Variants in ADCY8 observed in about 807,000 individuals in gnomAD.
The protein encoded by ADCY8 is adenylate cyclase 8.
ADCY8 carries 51 observed loss-of-function variants against 119.7 expected under a neutral mutation model. The ratio of observed to expected loss-of-function variants is 0.43; its 90% CI spans 0.34 to 0.54. The LOEUF (loss-of-function observed/expected upper bound fraction) is 0.54, where lower values mean the gene tolerates loss of function less well. ADCY8 is among the 20% of genes least tolerant of loss of function. The pLI, the probability that ADCY8 is intolerant of heterozygous loss-of-function variation, is 0.03. For synonymous variants in ADCY8, 665 were observed against 651.0 expected, an observed-to-expected ratio of 1.02 and a Z score of -0.33; for missense variants, 1,383 against 1,598.8, an observed-to-expected ratio of 0.87 and a Z score of 2.30.
At chr8:130,874,383 A>G (rs1408985790) in intron 8 of ADCY8, among the ~76,000 whole-genome samples, 2 of 152,080 alleles carry the variant, frequency 1.3e-5, no homozygotes, top group African/African-American at 4.8e-5. Flanking sequence ...ACAAGGCATA[A>G]TTGCAATGAG....
At chr8:130,979,398 G>A (rs562452316) in intron 2 of ADCY8, among the ~76,000 whole-genome samples, 1 of 152,284 alleles carries the variant, frequency 6.6e-6, no homozygotes, top group East Asian at 1.9e-4. Flanking sequence ...GTCCTGTTGT[G>A]ACAATTGTAC....
intron 2 of ADCY8, among the ~76,000 whole-genome samples, chr8:130,962,962 C>T (rs1821649762): frequency 6.6e-6 from 1 of 152,146 alleles, no homozygotes; most frequent in Non-Finnish European, 1.5e-5. Context: ...TAATTAAAAC[C>T]TCACATTAAT....
At chr8:131,007,091 A>C (rs1019915034) in intron 1 of ADCY8, among the ~76,000 whole-genome samples, 4 of 152,240 alleles carry the variant, frequency 2.6e-5, no homozygotes, top group African/African-American at 9.6e-5. Context: ...CAAACAGTAA[A>C]AAAGAAAATC....
At chr8:130,841,250 C>T (rs1010544149) in intron 11 of ADCY8, among the ~76,000 whole-genome samples, 1 of 152,144 alleles carries the variant, frequency 6.6e-6, no homozygotes, top group Non-Finnish European at 1.5e-5. Flanking sequence ...CATTTAACTC[C>T]TTAAATGACC....
intron 9 of ADCY8, among the ~76,000 whole-genome samples, chr8:130,864,410 A>T (rs927306638): frequency 9.2e-5 from 14 of 152,142 alleles, no homozygotes; most frequent in Non-Finnish European, 1.9e-4. Context: ...GAACATTCTT[A>T]GCCATTATTA....
chr8:130,801,589 C>A (rs1005870792), intron 14 of ADCY8, among the ~76,000 whole-genome samples: 2 of 152,196 alleles, frequency 1.3e-5, no homozygotes, highest in Non-Finnish European at 2.9e-5. Context: ...TGCCCTGGAT[C>A]CTGCAGACAC....
intron 7 of ADCY8, among the ~76,000 whole-genome samples, chr8:130,901,242 C>CTTTTTTTTTTTTTTTTTTTTTT (rs34424673): frequency 1.7e-5 from 2 of 115,582 alleles, no homozygotes; most frequent in Non-Finnish European, 3.4e-5. Context: ...CATCCCTCCT[C>CTTTTTTTTTTTTTTTTTTTTTT]TTTTTTTTTT....
intron 11 of ADCY8, among the ~76,000 whole-genome samples, chr8:130,837,937 C>T (rs1017321270): frequency 3.9e-5 from 6 of 152,174 alleles, no homozygotes; most frequent in Admixed American, 2.6e-4. Context: ...AACCAATTCA[C>T]GTAAATGGGA....
intron 2 of ADCY8, among the ~76,000 whole-genome samples, chr8:130,968,903 A>C (rs1376269182): frequency 1.3e-5 from 2 of 152,166 alleles, no homozygotes; most frequent in Non-Finnish European, 2.9e-5. Context: ...CTTTGGAAAA[A>C]ATCTTTCTCT....
intron 7 of ADCY8, among the ~76,000 whole-genome samples, chr8:130,897,956 C>T (rs948926078): frequency 2.7e-5 from 4 of 146,622 alleles, no homozygotes; most frequent in African/African-American, 1.1e-4. Context: ...ACACACACCA[C>T]ACCACACCAC....
At position 130,945,455 on chromosome 8, in the gene ADCY8, A is replaced by C. The variant is rs554149084; in HGVS notation, c.1242-1993T>G. On this transcript the variant is annotated intron_variant, in intron 3 of 17. Coordinates refer to ENST00000286355, the MANE Select transcript of ADCY8 (RefSeq NM_001115.3). ...CTAGATAGATCTGGGTTCAAATCTT[A>C]GCTCACCACTTAGGAATTCTATGAC... 3.9e-5 allele frequency among the ~76,000 whole-genome samples: 6 copies of C among 152,336 alleles called. No individual in the cohort carries two copies. In the East Asian group the frequency reaches 7.7e-4, roughly 20 times the overall value.
chr8:130,813,966 A>T, intron 14 of ADCY8, 103 bp downstream of exon 14: 2 of 1,424,160 alleles, frequency 1.4e-6, no homozygotes, highest in Non-Finnish European at 1.9e-6. Flanking sequence ...TCATGCACTC[A>T]CATGATGACA....
chr8:130,880,205 G>GA (rs2130443918), intron 8 of ADCY8, among the ~76,000 whole-genome samples: 1 of 152,220 alleles, frequency 6.6e-6, no homozygotes, highest in Admixed American at 6.5e-5. Context: ...TCAGCAGCAT[G>GA]AAAATGGACT....
chr8:130,813,725 T>C (rs982015179), intron 14 of ADCY8, among the ~76,000 whole-genome samples: 1 of 152,194 alleles, frequency 6.6e-6, no homozygotes, highest in Non-Finnish European at 1.5e-5. Flanking sequence ...CTTTTTTCAA[T>C]TATTTTGGGT....
chr8:130,971,823 A>G lies in ADCY8; in HGVS notation c.1110+18570T>C, dbSNP rs568001606. 3.3e-5 allele frequency among the ~76,000 whole-genome samples: 5 copies of G among 152,328 alleles called. No homozygotes were observed. The South Asian group carries it at 1.0e-3, about 32-fold the overall frequency. On this transcript the variant is annotated intron_variant, in intron 2 of 17. Transcript: ENST00000286355. ...AATGATGATATGACAAAGATGATGT[A>G]TTCATGGAGCTTCAAATAGTTGGAT...
intron 6 of ADCY8, among the ~76,000 whole-genome samples, chr8:130,909,223 T>G (rs745327708): frequency 3.9e-5 from 6 of 152,230 alleles, no homozygotes; most frequent in Non-Finnish European, 8.8e-5. Context: ...GGGGATCCTA[T>G]GTCAACCAAC....
chr8:130,835,120 T>G (rs1816945709), intron 12 of ADCY8, among the ~76,000 whole-genome samples: 1 of 152,216 alleles, frequency 6.6e-6, no homozygotes, highest in African/African-American at 2.4e-5. Context: ...CCTTTGACTG[T>G]TGGCCACTTA....
At position 130,785,380 on chromosome 8, in the gene ADCY8, T is replaced by A; in HGVS notation, c.3153+3A>T. The stretch of plus-strand genomic sequence containing the variant: ...TTGTGGCTGAGTCCAAAGAGTCCTT[T>A]ACCTGTTTTTCAGGTGACAGGCCTG... On this transcript the variant is annotated splice_donor_region_variant and intron_variant, in intron 16 of 17. Coordinates refer to ENST00000286355, the MANE Select transcript of ADCY8 (RefSeq NM_001115.3). The A allele has an allele frequency of 6.2e-7, 1 of 1,603,870 alleles. No homozygotes were observed.
intron 9 of ADCY8, among the ~76,000 whole-genome samples, chr8:130,860,556 T>C (rs951725351): frequency 2.0e-5 from 3 of 152,184 alleles, no homozygotes; most frequent in African/African-American, 7.2e-5. Flanking sequence ...CCATTTTGTG[T>C]TAATTTTTGT....
Sources: allele counts gnomAD v4.1 joint callset (sites outside exome capture counted in the v4.1 genomes callset), GRCh38; gene constraint gnomAD v4.1.1; transcripts MANE v1.5; gene names NCBI Gene and HGNC (gene_info 2026-07-23, HGNC 2026-07-21).